The following PCDHAC1 variants were observed in gnomAD, a reference collection of about 807,000 sequenced individuals.
The protein encoded by PCDHAC1 is protocadherin alpha-C1.
PCDHAC1 carries 42 observed loss-of-function variants against 60.0 expected under a neutral mutation model. The observed-to-expected ratio is 0.70, with a 90% CI of 0.55 to 0.90. The LOEUF (loss-of-function observed/expected upper bound fraction) is 0.90. Among genes scored for constraint, PCDHAC1 ranks in the 40% least tolerant of loss-of-function variants. The probability of loss-of-function intolerance (pLI) is 0.00; values close to 1 mark genes in which losing one functional copy is unlikely to be tolerated. For synonymous variants in PCDHAC1, 468 were observed against 499.3 expected, an observed-to-expected ratio of 0.94 and a Z score of 0.84; for missense variants, 1,160 against 1,222.3, an observed-to-expected ratio of 0.95 and a Z score of 0.76.
chr5:140,927,331 A>T lies in PCDHAC1; in HGVS notation c.439A>T (p.Asn147Tyr). The change falls in exon 1 of 4, where the codon AAT becomes TAT. Residue 147 changes from asparagine to tyrosine, a missense_variant. Asn to Tyr is a moderately radical substitution (Grantham distance 143). This residue lies in a region of PCDHAC1 where 1,113 missense variants were observed against 1,163.7 expected (regional missense o/e 0.96). Transcript: ENST00000253807. ...GCCCGGAGCCCGCTTTACTCTCCCGAATGCCCAAGATGACGACGAGGGAAG... is the reference window on the plus strand; with the variant it reads ...GCCCGGAGCCCGCTTTACTCTCCCGTATGCCCAAGATGACGACGAGGGAAG... The part of the protein sequence containing the change: ...LTPGARFTLP[N>Y]AQDDDEGSNG... 1 of 1,614,134 alleles carries T rather than the reference A, an allele frequency of 6.2e-7. No individual in the cohort carries two copies. Among genetic ancestry groups the T allele is most frequent in the Non-Finnish European group, 8.5e-7 (1 of 1,180,022 alleles).
chr5:141,006,618 A>G (rs74748321), intron 3 of PCDHAC1, among the ~76,000 whole-genome samples: 53 of 152,290 alleles, frequency 3.5e-4, no homozygotes, highest in African/African-American at 1.3e-3. Flanking sequence ...GAATAAGGAG[A>G]CTATTGCTGC....
intron 3 of PCDHAC1, among the ~76,000 whole-genome samples, chr5:140,990,479 G>A (rs1227837227): frequency 3.3e-5 from 5 of 152,184 alleles, no homozygotes; most frequent in Non-Finnish European, 5.9e-5. Context: ...GTATCAAGCT[G>A]AATAGTGAGG....
intron 1 of PCDHAC1, among the ~76,000 whole-genome samples, chr5:140,957,050 A>T (rs246010): frequency 0.56 from 85,650 of 151,948 alleles, 24,767 homozygotes; most frequent in African/African-American, 0.69. Context: ...TATAAAATAA[A>T]TTATAAATGT....
intron 1 of PCDHAC1, among the ~76,000 whole-genome samples, chr5:140,941,247 CTTTCTTTCTCTT>C (rs1165264412): frequency 7.0e-5 from 9 of 128,506 alleles, no homozygotes; most frequent in African/African-American, 1.7e-4. Context: ...TTCTTTCTTT[CTTTCTTTCTCTT>C]TCTTTCTTTC....
At chr5:140,962,541 A>AGTT (rs2095690394) in intron 1 of PCDHAC1, among the ~76,000 whole-genome samples, 1 of 152,220 alleles carries the variant, frequency 6.6e-6, no homozygotes, top group Non-Finnish European at 1.5e-5. Flanking sequence ...AGAACTAAAA[A>AGTT]TGTAGAGGAT....
At chr5:140,982,318 G>A (rs2096977750) in intron 2 of PCDHAC1, 157 bp from the exon 3 acceptor site, 3 of 1,356,910 alleles carry the variant, frequency 2.2e-6, no homozygotes, top group Non-Finnish European at 2.9e-6. Context: ...AGTTTATGCA[G>A]GGTGACTGCT....
At chr5:140,966,528 G>C in intron 1 of PCDHAC1, 1 of 446,634 alleles carries the variant, frequency 2.2e-6, no homozygotes, top group Non-Finnish European at 3.9e-6. Context: ...AGCCGAGCCG[G>C]GTTGAGCGAC....
At chr5:141,000,421 A>ATATTT (rs1265241806) in intron 3 of PCDHAC1, among the ~76,000 whole-genome samples, 4 of 27,980 alleles carry the variant, frequency 1.4e-4, no homozygotes, top group Non-Finnish European at 1.1e-4. Context: ...ATATATATAT[A>ATATTT]TTTTTTTTTT....
In PCDHAC1 at chr5:140,928,348, G is replaced by A; in HGVS notation, c.1456G>A (p.Asp486Asn). 6.2e-7 allele frequency: 1 copy of A among 1,614,172 alleles called. No individual in the cohort carries two copies. The highest frequency in any genetic ancestry group is 8.5e-7 in the Non-Finnish European group (1 of 1,180,038). ...TGGCCTTGTCTCTTATGAGCTGTTG[G>A]ATGTTATCTCTGAAGGGCCATCAGC... is the stretch of plus-strand genomic sequence containing the variant. ...KNGLVSYELL[D>N]VISEGPSASS... The change falls in exon 1 of 4, where the codon GAT (aspartate) becomes AAT (asparagine). Residue 486 changes from aspartate (D) to asparagine (N), a missense_variant. Physicochemically the swap from Asp to Asn is conservative, Grantham distance 23. Around this residue, in one of 3 missense-constraint regions of PCDHAC1, gnomAD observed 1,113 missense variants for 1,163.7 expected, o/e 0.96. Coordinates refer to ENST00000253807, the MANE Select transcript of PCDHAC1 (RefSeq NM_018898.5).
At chr5:140,993,462 T>TCACACACACACACACA (rs3836747) in intron 3 of PCDHAC1, among the ~76,000 whole-genome samples, 10 of 140,938 alleles carry the variant, frequency 7.1e-5, no homozygotes, top group African/African-American at 2.4e-4. Flanking sequence ...TCTTTCTTTC[T>TCACACACACACACACA]CACACACACA....
chr5:140,966,109 C>G (rs373588380), intron 1 of PCDHAC1: 47 of 156,394 alleles, frequency 3.0e-4, no homozygotes, highest in African/African-American at 1.1e-3. Context: ...GCCTGGGTGC[C>G]CATACTTAGC....
chr5:140,969,880 A>G (rs1365035569), intron 1 of PCDHAC1, among the ~76,000 whole-genome samples: 2 of 152,238 alleles, frequency 1.3e-5, no homozygotes, highest in Non-Finnish European at 2.9e-5. Flanking sequence ...CCTATGTGAT[A>G]GGATCCTCTG....
In PCDHAC1 at chr5:140,928,974, A is replaced by G. The variant is rs772759035; in HGVS notation, c.2082A>G (p.Leu694=). 2 of 1,613,574 alleles carry G rather than the reference A, an allele frequency of 1.2e-6. No homozygotes were observed. The highest frequency in any genetic ancestry group is 1.7e-6 in the Non-Finnish European group (2 of 1,179,798). The stretch of plus-strand genomic sequence containing the variant: ...TTGCCTTGGCTTGTATTTCCTTTTT[A>G]TTTCTGGGGTGCTTACTTTTCTTCG... The part of the protein sequence containing the change: ...LVIALACISF[L]FLGCLLFFVC... Residue 694 remains leucine, a synonymous_variant, in exon 1 of 4, where the codon TTA becomes TTG. Coordinates refer to ENST00000253807, the MANE Select transcript of PCDHAC1 (RefSeq NM_018898.5).
intron 1 of PCDHAC1, among the ~76,000 whole-genome samples, chr5:140,932,599 A>G (rs2088459196): frequency 6.6e-6 from 1 of 151,912 alleles, no homozygotes; most frequent in Non-Finnish European, 1.5e-5. Context: ...TTGTATATCT[A>G]TTTTGACTTT....
At chr5:140,944,407 G>A (rs1384591675) in intron 1 of PCDHAC1, among the ~76,000 whole-genome samples, 2 of 152,036 alleles carry the variant, frequency 1.3e-5, no homozygotes, top group East Asian at 1.9e-4. Context: ...GGCTGGTCTC[G>A]AACTCCTGAT....
At chr5:140,938,333 T>G (rs2092022298) in intron 1 of PCDHAC1, among the ~76,000 whole-genome samples, 1 of 152,248 alleles carries the variant, frequency 6.6e-6, no homozygotes, top group Non-Finnish European at 1.5e-5. Context: ...GTAATGTTAA[T>G]GGATAATCTT....
At chr5:140,967,954 C>T in intron 1 of PCDHAC1, 1 of 1,614,208 alleles carries the variant, frequency 6.2e-7, no homozygotes, top group Non-Finnish European at 8.5e-7. Flanking sequence ...ACTCAGGCCC[C>T]AACCGGAAAG....
chr5:140,961,599 G>A (rs1012408317), intron 1 of PCDHAC1, among the ~76,000 whole-genome samples: 3 of 152,062 alleles, frequency 2.0e-5, no homozygotes, highest in Non-Finnish European at 4.4e-5. Flanking sequence ...AATGATTCTA[G>A]TAAATGAAAC....
intron 1 of PCDHAC1, among the ~76,000 whole-genome samples, chr5:140,961,885 C>G (rs2095640261): frequency 6.7e-6 from 1 of 149,548 alleles, no homozygotes. Context: ...TTACTTACAT[C>G]AGTTTTTTTT....
Sources: allele counts gnomAD v4.1 joint callset (sites outside exome capture counted in the v4.1 genomes callset), GRCh38; gene constraint gnomAD v4.1.1; regional missense constraint gnomAD v4.1.1; transcripts MANE v1.5; gene names NCBI Gene and HGNC (gene_info 2026-07-23, HGNC 2026-07-21).